DCN: variants seen among roughly 807,000 people sequenced by gnomAD.
The protein encoded by DCN is decorin, also known as bone proteoglycan II.
DCN carries 17 observed loss-of-function variants against 36.5 expected under a neutral mutation model. That is an observed-to-expected ratio of 0.47 (90% confidence interval 0.32 to 0.70). The LOEUF (loss-of-function observed/expected upper bound fraction) is 0.70, where lower values mean the gene tolerates loss of function less well. Among genes scored for constraint, DCN ranks in the 30% least tolerant of loss-of-function variants. DCN has a pLI of 0.04. For synonymous variants in DCN, 163 were observed against 161.4 expected, an observed-to-expected ratio of 1.01 and a Z score of -0.07; for missense variants, 389 against 430.1, an observed-to-expected ratio of 0.90 and a Z score of 0.84.
chr12:91,157,034 A>G (rs1393044916), intron 5 of DCN, 41 bp downstream of exon 5: 2 of 1,399,372 alleles, frequency 1.4e-6, no homozygotes, highest in Non-Finnish European at 2.0e-6. Flanking sequence ...AAAGCCTTTG[A>G]ATTTAAATTT....
chr12:91,153,846 A>G (rs1050752468), intron 5 of DCN, among the ~76,000 whole-genome samples: 3 of 152,090 alleles, frequency 2.0e-5, no homozygotes, highest in African/African-American at 7.2e-5. Context: ...TAATAATTTT[A>G]CATCCAAAGT....
intron 1 of DCN, among the ~76,000 whole-genome samples, chr12:91,181,345 T>C (rs1868394356): frequency 6.6e-6 from 1 of 152,138 alleles, no homozygotes; most frequent in South Asian, 2.1e-4. Context: ...TTAAAACATT[T>C]AATGTGGGCT....
In DCN at chr12:91,157,144, C is replaced by A; in HGVS notation, c.583G>T (p.Ala195Ser). 1 of 1,613,888 alleles carries A rather than the reference C, an allele frequency of 6.2e-7. No individual in the cohort carries two copies. The highest frequency in any genetic ancestry group is 8.5e-7 in the Non-Finnish European group (1 of 1,179,824). The change falls in exon 5 of 8, where the codon GCT becomes TCT. Residue 195 changes from alanine to serine, a missense_variant. Coordinates refer to ENST00000052754, the MANE Select transcript of DCN (RefSeq NM_001920.5). ...GAGAGCTTCTTCATTCCCTGGAAAG[C>A]CCCATTTTCAATTCCTGAGCTCTTC... ...PLKSSGIENG[A>S]FQGMKKLSYI...
At chr12:91,153,217 T>A in intron 5 of DCN, 28 bp from the exon 6 acceptor site, 1 of 1,252,084 alleles carries the variant, frequency 8.0e-7, no homozygotes, top group Non-Finnish European at 1.2e-6. Flanking sequence ...AGATGTTAAA[T>A]TAGCAGATAA....
In DCN at chr12:91,142,535, CAGA is replaced by C. The variant is rs1277305889; in HGVS notation, c.*3520_*3522del. 5 of 152,214 alleles carry C rather than the reference CAGA, an allele frequency of 3.3e-5. No individual in the cohort carries two copies. The highest frequency in any genetic ancestry group is 5.9e-5 in the Non-Finnish European group (4 of 68,010). The allele number at this position is 152,214 out of a possible 1,614,324, so 9.4% of individuals were successfully genotyped here. ...GTGATGATTCAGACAAATGAATGAG[CAGA>C]AGAAGAGGAGATCCAAGTTATGCCT... On this transcript the variant is annotated 3_prime_UTR_variant, in exon 8 of 8. Coordinates refer to ENST00000052754, the MANE Select transcript of DCN (RefSeq NM_001920.5).
intron 5 of DCN, among the ~76,000 whole-genome samples, chr12:91,154,172 A>G (rs960297817): frequency 2.0e-5 from 3 of 152,118 alleles, no homozygotes; most frequent in Non-Finnish European, 2.9e-5. Flanking sequence ...AATTCTGTCA[A>G]TATTGTCCAT....
intron 3 of DCN, 130 bp downstream of exon 3, chr12:91,164,475 A>C: frequency 2.1e-6 from 1 of 465,284 alleles, no homozygotes; most frequent in Non-Finnish European, 3.8e-6. Flanking sequence ...AAAAAAAAAA[A>C]AAAGGTGAAG....
At chr12:91,157,542 C>T (rs1881868427) in intron 4 of DCN, among the ~76,000 whole-genome samples, 1 of 151,964 alleles carries the variant, frequency 6.6e-6, no homozygotes, top group Non-Finnish European at 1.5e-5. Flanking sequence ...TATTATTTTC[C>T]TAAGGTATTT....
At position 91,142,182 on chromosome 12, in the gene DCN, G is replaced by C. The variant is rs1343923403; in HGVS notation, c.*3876C>G. The C allele has an allele frequency of 6.6e-6, 1 of 152,104 alleles. No homozygotes were observed. Among genetic ancestry groups the C allele is most frequent in the Non-Finnish European group, 1.5e-5 (1 of 68,020 alleles). The allele number at this position is 152,104 out of a possible 1,614,324, so 9.4% of individuals were successfully genotyped here. On this transcript the variant is annotated 3_prime_UTR_variant, in exon 8 of 8. Transcript: ENST00000052754. ...AAGTGTGGAAACTTAAAATTGAGCA[G>C]CAAAATCAAGAGTGAAATAACTGCA...
intron 4 of DCN, among the ~76,000 whole-genome samples, chr12:91,157,871 G>A (rs112923638): frequency 1.3e-5 from 2 of 152,042 alleles, no homozygotes; most frequent in South Asian, 2.1e-4. Context: ...CTCGTGATCC[G>A]CCTGCTTCGG....
Position 91,143,850 on chromosome 12 carries a change from A to ATG in DCN, c.*2206_*2207dup, listed in dbSNP as rs1880858297. On this transcript the variant is annotated 3_prime_UTR_variant, in exon 8 of 8. Coordinates refer to ENST00000052754, the MANE Select transcript of DCN (RefSeq NM_001920.5). ...TAAATATATATATATAAAGATATAT[A>ATG]TGTGTGTATATATATAAAGATATAT... is the stretch of plus-strand genomic sequence containing the variant. 2.0e-5 allele frequency: 3 copies of ATG among 148,190 alleles called. No homozygotes were observed. The highest frequency in any genetic ancestry group is 1.4e-4 in the Admixed American group (2 of 14,718). The allele number at this position is 148,190 out of a possible 1,614,324, so 9.2% of individuals were successfully genotyped here.
At chr12:91,161,496 C>CA (rs1882154097) in intron 3 of DCN, among the ~76,000 whole-genome samples, 1 of 151,960 alleles carries the variant, frequency 6.6e-6, no homozygotes, top group South Asian at 2.1e-4. Context: ...AAACTTATGC[C>CA]AACAGTAGCT....
At chr12:91,164,412 A>AAAAAAAAAAAAAAAAAAAAAT (rs1882382909) in intron 3 of DCN, among the ~76,000 whole-genome samples, 193 bp downstream of exon 3, 1 of 143,106 alleles carries the variant, frequency 7.0e-6, no homozygotes, top group African/African-American at 2.5e-5. Context: ...AAAAAAAAAA[A>AAAAAAAAAAAAAAAAAAAAAT]AAAAAGAAAA....
chr12:91,172,521 C>A, intron 2 of DCN: 1 of 294,960 alleles, frequency 3.4e-6, no homozygotes, highest in Non-Finnish European at 6.4e-6. Flanking sequence ...TCAGTTAGAC[C>A]AGGCTTCATA....
rs969066323 is a variant in DCN, at chr12:91,141,581, A to G, written c.*4477T>C. 1.3e-5 allele frequency: 2 copies of G among 152,176 alleles called. No individual in the cohort carries two copies. Among genetic ancestry groups the G allele is most frequent in the South Asian group, 4.1e-4 (2 of 4,836 alleles). The allele number at this position is 152,176 out of a possible 1,614,324, so 9.4% of individuals were successfully genotyped here. A position where few individuals can be genotyped will look rare whatever the true frequency, so the allele number is the denominator to read the frequency against. On this transcript the variant is annotated 3_prime_UTR_variant, in exon 8 of 8. Transcript: ENST00000052754. ...CATTATGCACTGCTGTGTCTCTGCC[A>G]CTAGAACACTGTCAAGCACACAGTA...
rs1491480876 is a variant in DCN at position 91,143,791 on chromosome 12, CAT to C, written c.*2265_*2266del. 1 of 147,386 alleles carries C rather than the reference CAT, an allele frequency of 6.8e-6. No individual in the cohort carries two copies. The highest frequency in any genetic ancestry group is 1.5e-5 in the Non-Finnish European group (1 of 67,090). 9.1% of individuals were successfully genotyped at this position (147,386 alleles called of 1,614,324 possible). A position where few individuals can be genotyped will look rare whatever the true frequency, so the allele number is the denominator to read the frequency against. On this transcript the variant is annotated 3_prime_UTR_variant, in exon 8 of 8. Transcript: ENST00000052754. Reference sequence around the variant, plus strand: ...CTTTATTTCAAAGGAAATAAAGATACATATATATGTATATATGCAAAAAGATA... The same window carrying C: ...CTTTATTTCAAAGGAAATAAAGATACATATATGTATATATGCAAAAAGATA...
In DCN at chr12:91,157,057, T is replaced by C; in HGVS notation, c.652+18A>G. The stretch of plus-strand genomic sequence containing the variant: ...TGAATTTAAATTTTTCAAAATGTTT[T>C]GGAGAATCTTCTATCACCTTGAGGA... On this transcript the variant is annotated intron_variant, in intron 5 of 7. Transcript: ENST00000052754. 6.6e-7 allele frequency: 1 copy of C among 1,509,740 alleles called. No homozygotes were observed. Among genetic ancestry groups the C allele is most frequent in the Non-Finnish European group, 9.2e-7 (1 of 1,084,938 alleles). The allele number at this position is 1,509,740 out of a possible 1,614,324, so 93.5% of individuals were successfully genotyped here.
At chr12:91,148,665 G>A (rs921045953) in intron 7 of DCN, among the ~76,000 whole-genome samples, 2 of 136,336 alleles carry the variant, frequency 1.5e-5, no homozygotes, top group East Asian at 2.4e-4. Flanking sequence ...GCAGTGAGCC[G>A]AGATTGTGCC....
chr12:91,164,858 C>T (rs1882446882), intron 2 of DCN, 141 bp from the exon 3 acceptor site: 4 of 649,526 alleles, frequency 6.2e-6, no homozygotes, highest in Admixed American at 5.1e-5. Flanking sequence ...CTAAGAATTA[C>T]ATTCATTGTA....
Sources: gnomAD v4.1 joint callset for allele counts (sites outside exome capture counted in the v4.1 genomes callset) on GRCh38, gnomAD v4.1.1 for gene constraint, MANE v1.5 for transcripts, NCBI Gene and HGNC (gene_info 2026-07-23, HGNC 2026-07-21) for gene names.